Variants in DSCAM observed in about 807,000 individuals in gnomAD.
DSCAM encodes DS cell adhesion molecule, also known as cell adhesion molecule DSCAM.
A neutral mutation model predicts 217.7 loss-of-function variants in DSCAM; 47 were observed. That is an observed-to-expected ratio of 0.22 (90% confidence interval 0.17 to 0.28). The LOEUF (loss-of-function observed/expected upper bound fraction) is 0.28, where lower values mean the gene tolerates loss of function less well. Ranked by LOEUF, DSCAM falls within the 10% of genes least tolerant of loss-of-function variation. The pLI is 1.00. For synonymous variants in DSCAM, 1,056 were observed against 1,015.3 expected (o/e 1.04, Z -0.76); for missense variants, 2,080 against 2,618.3 (o/e 0.79, Z 4.49).
intron 6 of DSCAM, 66 bp downstream of exon 6, chr21:40,347,604 C>T: frequency 6.3e-7 from 1 of 1,599,266 alleles, no homozygotes. Flanking sequence ...ACCCTGTCTT[C>T]TTCTTTTCTG....
intron 11 of DSCAM, among the ~76,000 whole-genome samples, chr21:40,231,297 C>T (rs1012203741): frequency 6.6e-6 from 1 of 151,898 alleles, no homozygotes; most frequent in African/African-American, 2.4e-5. Context: ...CCAGTCCACA[C>T]TCAGCCACCA....
In DSCAM at chr21:40,832,197, T is replaced by C. The variant is rs113508269; in HGVS notation, c.43+14422A>G. Reference sequence around the variant, plus strand: ...TGACCATGAGCACATTGTCTAACCATGCCTTCTTTACGATGGTCATAATAA... The same window carrying C: ...TGACCATGAGCACATTGTCTAACCACGCCTTCTTTACGATGGTCATAATAA... On this transcript the variant is annotated intron_variant, in intron 1 of 32. Transcript: ENST00000400454. Among the ~76,000 whole-genome samples, 1,242 of 152,366 alleles carry C rather than the reference T, an allele frequency of 8.2e-3. 25 individuals are homozygous for C. Among genetic ancestry groups the C allele is most frequent in the African/African-American group, 0.023 (971 of 41,590 alleles).
intron 3 of DSCAM, among the ~76,000 whole-genome samples, chr21:40,617,646 G>A (rs967904020): frequency 1.3e-5 from 2 of 152,234 alleles, no homozygotes; most frequent in South Asian, 2.1e-4. Context: ...GTATGCGTAA[G>A]CAGCACCCCT....
chr21:40,578,559 A>G (rs553705093), intron 3 of DSCAM, among the ~76,000 whole-genome samples: 3 of 152,336 alleles, frequency 2.0e-5, no homozygotes, highest in South Asian at 2.1e-4. Flanking sequence ...ATAAGAGAAT[A>G]AAAGCTGGCC....
chr21:40,570,997 G>A (rs1025759698), intron 3 of DSCAM, among the ~76,000 whole-genome samples: 1 of 151,840 alleles, frequency 6.6e-6, no homozygotes, highest in Non-Finnish European at 1.5e-5. Flanking sequence ...AATACAGCAA[G>A]GTACATACCC....
At chr21:40,345,619 G>T (rs956715441) in intron 6 of DSCAM, among the ~76,000 whole-genome samples, 1 of 151,838 alleles carries the variant, frequency 6.6e-6, no homozygotes, top group African/African-American at 2.4e-5. Context: ...ATTCTCCATT[G>T]TATCTATCCT....
intron 8 of DSCAM, among the ~76,000 whole-genome samples, chr21:40,314,910 A>G (rs557837190): frequency 8.7e-4 from 133 of 152,290 alleles, no homozygotes; most frequent in Non-Finnish European, 1.4e-3. Flanking sequence ...TCTCAAACTT[A>G]GTTGTGTATC....
chr21:40,789,265 A>AT (rs1257823598), intron 1 of DSCAM, among the ~76,000 whole-genome samples: 5 of 112,736 alleles, frequency 4.4e-5, no homozygotes, highest in Admixed American at 2.8e-4. Context: ...GACAATCAAG[A>AT]TTAAAAAAAA....
chr21:40,687,119 TAGATG>T (rs1000611420), intron 3 of DSCAM, among the ~76,000 whole-genome samples: 20 of 152,124 alleles, frequency 1.3e-4, no homozygotes, highest in Non-Finnish European at 2.1e-4. Context: ...AATAGAAGAT[TAGATG>T]ATACATACAA....
chr21:40,395,268 T>C (rs2123762872), intron 3 of DSCAM, among the ~76,000 whole-genome samples: 1 of 152,212 alleles, frequency 6.6e-6, no homozygotes, highest in Non-Finnish European at 1.5e-5. Flanking sequence ...TGAAAGAAAA[T>C]GAAAGTCAAA....
chr21:40,761,711 G>T (rs1341008469), intron 1 of DSCAM, among the ~76,000 whole-genome samples: 1 of 152,116 alleles, frequency 6.6e-6, no homozygotes, highest in South Asian at 2.1e-4. Flanking sequence ...GAGTGCCCTG[G>T]TACGTTTACT....
rs1601512913 is a variant in DSCAM at position 40,279,988 on chromosome 21, C to T, written c.2183-3718G>A. 3.3e-5 allele frequency among the ~76,000 whole-genome samples: 5 copies of T among 152,062 alleles called. No individual in the cohort carries two copies. In the South Asian group the frequency reaches 1.0e-3, roughly 32 times the overall value. On this transcript the variant is annotated intron_variant, in intron 10 of 32. Transcript: ENST00000400454. ...GGGGTGGGGGCAAGGGGAGTAAGAG[C>T]ATTAGGACAAATACCTAATGCATCC...
chr21:40,019,868 GTCACT>G (rs2088230404), intron 32 of DSCAM, among the ~76,000 whole-genome samples: 1 of 152,178 alleles, frequency 6.6e-6, no homozygotes, highest in South Asian at 2.1e-4. Flanking sequence ...ACTCTATGGT[GTCACT>G]TCACTTCCTC....
At chr21:40,521,779 G>A (rs182707727) in intron 3 of DSCAM, among the ~76,000 whole-genome samples, 27 of 152,218 alleles carry the variant, frequency 1.8e-4, no homozygotes, top group African/African-American at 5.1e-4. Context: ...AAGTGCTGGC[G>A]TTCTGTTGCA....
chr21:40,171,758 A>G (rs998430669), intron 15 of DSCAM, among the ~76,000 whole-genome samples: 2 of 151,996 alleles, frequency 1.3e-5, no homozygotes, highest in East Asian at 1.9e-4. Flanking sequence ...ATTATAAAAA[A>G]TTTCCCTTCT....
At chr21:40,613,075 C>T (rs182984489) in intron 3 of DSCAM, among the ~76,000 whole-genome samples, 41 of 152,164 alleles carry the variant, frequency 2.7e-4, no homozygotes, top group African/African-American at 5.1e-4. Context: ...TATGTGATGA[C>T]GAAAATCTCT....
chr21:40,017,698 T>A (rs141048405), intron 32 of DSCAM, among the ~76,000 whole-genome samples: 1 of 151,990 alleles, frequency 6.6e-6, no homozygotes, highest in Non-Finnish European at 1.5e-5. Context: ...ATTACAGGCA[T>A]GCACCACCAC....
At position 40,083,963 on chromosome 21, in the gene DSCAM, A is replaced by G; in HGVS notation, c.4176T>C (p.Ser1392=). The stretch of plus-strand genomic sequence containing the variant: ...GGAGCCAAGAAAGGGTGATGGAGGA[A>G]GACGTGGTCTTGGAGACTGTAAGCC... ...QPRLTVSKTT[S]SSITLSWLPG... The change falls in exon 24 of 33, where the codon TCT becomes TCC. Residue 1392 remains serine (S), a synonymous_variant. Coordinates refer to ENST00000400454, the MANE Select transcript of DSCAM (RefSeq NM_001389.5). 1 of 1,613,898 alleles carries G rather than the reference A, an allele frequency of 6.2e-7. No homozygotes were observed. Among genetic ancestry groups the G allele is most frequent in the South Asian group, 1.1e-5 (1 of 91,056 alleles).
At chr21:40,058,936 A>T (rs1347837443) in intron 28 of DSCAM, among the ~76,000 whole-genome samples, 3 of 152,226 alleles carry the variant, frequency 2.0e-5, no homozygotes, top group Non-Finnish European at 4.4e-5. Flanking sequence ...TATAATCTTC[A>T]ACCATCCATT....
Sources: gnomAD v4.1 joint callset for allele counts (sites outside exome capture counted in the v4.1 genomes callset) on GRCh38, gnomAD v4.1.1 for gene constraint, MANE v1.5 for transcripts, NCBI Gene and HGNC (gene_info 2026-07-23, HGNC 2026-07-21) for gene names.